Variants in ZCCHC2 observed in about 807,000 individuals in gnomAD.
ZCCHC2 encodes zinc finger CCHC domain-containing protein 2.
In ZCCHC2, 39 loss-of-function variants were observed where a neutral mutation model predicts 103.6. The ratio of observed to expected loss-of-function variants is 0.38; its 90% CI spans 0.29 to 0.49. ZCCHC2 has a LOEUF of 0.49. Among genes scored for constraint, ZCCHC2 ranks in the 20% least tolerant of loss-of-function variants. The probability of loss-of-function intolerance (pLI) is 0.96; values close to 1 mark genes in which losing one functional copy is unlikely to be tolerated. For missense variants in ZCCHC2, 1,483 were observed against 1,491.0 expected, an observed-to-expected ratio of 0.99 and a Z score of 0.09; for synonymous variants, 687 against 608.9, an observed-to-expected ratio of 1.13 and a Z score of -1.89.
intron 5 of ZCCHC2, among the ~76,000 whole-genome samples, chr18:62,554,372 A>G (rs1407976087): frequency 6.6e-6 from 1 of 152,256 alleles, no homozygotes; most frequent in Admixed American, 6.5e-5. Context: ...GAAAATGAAA[A>G]TACGGCCTGA....
intron 5 of ZCCHC2, among the ~76,000 whole-genome samples, chr18:62,553,002 G>C (rs915254451): frequency 7.9e-5 from 12 of 151,962 alleles, no homozygotes; most frequent in African/African-American, 2.4e-4. Flanking sequence ...GTGTATTTTA[G>C]GTGTTTTTAC....
In ZCCHC2 at chr18:62,543,693, C is replaced by G. The variant is rs2145499566; in HGVS notation, c.1129-1109C>G. Among the ~76,000 whole-genome samples, 3 of 152,310 alleles carry G rather than the reference C, an allele frequency of 2.0e-5. No individual in the cohort carries two copies. The Middle Eastern group carries it at 0.01, about 518-fold the overall frequency. On this transcript the variant is annotated intron_variant, in intron 3 of 13. Transcript: ENST00000269499. ...CTCCTCCGAGATCCTTCTTGACACC[C>G]CAGTTCATGTGCATCTCTCCGTTCT...
intron 1 of ZCCHC2, among the ~76,000 whole-genome samples, chr18:62,528,361 G>T (rs74775668): frequency 6.6e-6 from 1 of 152,038 alleles, no homozygotes; most frequent in African/African-American, 2.4e-5. Context: ...TCGGGAGGCC[G>T]AGGTGGGCGG....
In ZCCHC2 at chr18:62,524,341, A is replaced by G. The variant is rs559470225; in HGVS notation, c.917A>G (p.Lys306Arg). The part of the protein sequence containing the change: ...EDAEVEVEPC[K>R]FAGPRAQNNS... ...GCGGAGGTGGAGGTAGAGCCGTGCA[A>G]GTTTGCCGGCCCCAGGGCCCAGGTA... Residue 306 changes from lysine (K) to arginine (R), a missense_variant, in exon 1 of 14, where the codon AAG becomes AGG. Coordinates refer to ENST00000269499, the MANE Select transcript of ZCCHC2 (RefSeq NM_017742.6). 2 of 1,534,206 alleles carry G rather than the reference A, an allele frequency of 1.3e-6. No individual in the cohort carries two copies. The highest frequency in any genetic ancestry group is 4.1e-5 in the Admixed American group (2 of 49,086).
chr18:62,542,535 G>T lies in ZCCHC2; in HGVS notation c.1089G>T (p.Gln363His). The stretch of plus-strand genomic sequence containing the variant: ...AGAAGATAATGTTGAAAGGAGTCCA[G>T]AGAAAAAGAGCTGACAAATACTGGG... Reference protein sequence around the residue: ...HIEKIMLKGVQRKRADKYWEY... With the variant: ...HIEKIMLKGVHRKRADKYWEY... Residue 363 changes from glutamine to histidine, a missense_variant, in exon 3 of 14, where the codon CAG (glutamine) becomes CAT (histidine). Transcript: ENST00000269499. 6.4e-7 allele frequency: 1 copy of T among 1,565,936 alleles called. No homozygotes were observed.
At chr18:62,556,665 C>T (rs528521894) in intron 6 of ZCCHC2, among the ~76,000 whole-genome samples, 1 of 152,190 alleles carries the variant, frequency 6.6e-6, no homozygotes, top group East Asian at 1.9e-4. Context: ...CCTTTCCAGC[C>T]GATCAGACAG....
Position 62,523,375 on chromosome 18 carries a change from G to GGC in ZCCHC2, c.-49_-48dup. On this transcript the variant is annotated 5_prime_UTR_variant, in exon 1 of 14. Coordinates refer to ENST00000269499, the MANE Select transcript of ZCCHC2 (RefSeq NM_017742.6). ...CGCCTCGGCCCGTGCTCCACCTCGC[G>GGC]GCCCCTCCCGCCCGCCCCCGCTCGC... 2.0e-6 allele frequency: 2 copies of GGC among 1,009,530 alleles called. No individual in the cohort carries two copies. The highest frequency in any genetic ancestry group is 2.4e-6 in the Non-Finnish European group (2 of 847,962). The allele number at this position is 1,009,530 out of a possible 1,614,324, so 62.5% of individuals were successfully genotyped here.
Position 62,574,887 on chromosome 18 carries a change from C to A in ZCCHC2, c.2806C>A (p.Leu936Ile). 1.2e-6 allele frequency: 2 copies of A among 1,613,854 alleles called. No individual in the cohort carries two copies. The highest frequency in any genetic ancestry group is 1.7e-6 in the Non-Finnish European group (2 of 1,179,896). The change falls in exon 13 of 14, where the codon CTC becomes ATC. Residue 936 changes from leucine (L) to isoleucine (I), a missense_variant. Leu to Ile is a conservative substitution (Grantham distance 5). Transcript: ENST00000269499. ...GVLPSQNSSV[L>I]STAATSPQPA... ...GTTACCCAGCCAGAACTCCAGTGTG[C>A]TCAGCACAGCAGCAACTTCTCCCCA...
chr18:62,562,972 G>T, intron 8 of ZCCHC2, 37 bp from the exon 9 acceptor site: 1 of 1,584,350 alleles, frequency 6.3e-7, no homozygotes, highest in Non-Finnish European at 8.6e-7. Flanking sequence ...ATTATTGAGG[G>T]CAGATTTTCA....
intron 8 of ZCCHC2, among the ~76,000 whole-genome samples, chr18:62,562,698 G>C (rs1916176569): frequency 6.6e-6 from 1 of 152,156 alleles, no homozygotes; most frequent in Admixed American, 6.5e-5. Context: ...CATGACAGCA[G>C]TGCTCTCAAG....
intron 14 of ZCCHC2, among the ~76,000 whole-genome samples, chr18:62,583,745 G>A (rs1194318594): frequency 6.6e-6 from 1 of 152,018 alleles, no homozygotes; most frequent in East Asian, 1.9e-4. Flanking sequence ...CGAGGTGTGA[G>A]ATATGAAGAA....
intron 4 of ZCCHC2, among the ~76,000 whole-genome samples, chr18:62,549,530 T>C (rs1018770582): frequency 2.0e-5 from 3 of 152,264 alleles, no homozygotes; most frequent in African/African-American, 7.2e-5. Flanking sequence ...TCTCAGATAT[T>C]GTTAATGGTT....
intron 5 of ZCCHC2, among the ~76,000 whole-genome samples, chr18:62,554,846 C>T (rs1915816449): frequency 6.6e-6 from 1 of 152,118 alleles, no homozygotes; most frequent in Non-Finnish European, 1.5e-5. Context: ...CCATGTCTTC[C>T]TGTTGAATGT....
intron 4 of ZCCHC2, among the ~76,000 whole-genome samples, chr18:62,546,196 G>C (rs1459292300): frequency 6.6e-6 from 1 of 152,194 alleles, no homozygotes; most frequent in African/African-American, 2.4e-5. Flanking sequence ...AGATGGCATA[G>C]GTCTGTGAGC....
intron 13 of ZCCHC2, among the ~76,000 whole-genome samples, 198 bp from the exon 14 acceptor site, chr18:62,576,314 A>T (rs558076538): frequency 1.3e-5 from 2 of 152,364 alleles, no homozygotes; most frequent in Admixed American, 6.5e-5. Flanking sequence ...AGAAAGATCA[A>T]GTTTGATAGC....
At chr18:62,582,086 G>C (rs1216555254), downstream of ZCCHC2, among the ~76,000 whole-genome samples, 2 of 152,268 alleles carry the variant, frequency 1.3e-5, no homozygotes, top group East Asian at 3.8e-4. Flanking sequence ...TGTGGGTACA[G>C]TAGATAAAAT....
At chr18:62,586,515 T>A (rs1264830718) in exon 15 of ZCCHC2, 1 of 151,726 alleles carries the variant, frequency 6.6e-6, no homozygotes, top group African/African-American at 2.4e-5. Flanking sequence ...TCAAAAAAAA[T>A]AAAGCTGTAT....
chr18:62,583,795 C>T (rs899842798), intron 14 of ZCCHC2, among the ~76,000 whole-genome samples: 3 of 152,072 alleles, frequency 2.0e-5, no homozygotes, highest in Non-Finnish European at 4.4e-5. Flanking sequence ...GACATCTCTA[C>T]ATCTTCTTCT....
chr18:62,524,551 AC>A, intron 1 of ZCCHC2, 188 bp downstream of exon 1: 4 of 796,824 alleles, frequency 5.0e-6, no homozygotes, highest in Non-Finnish European at 3.5e-6. Flanking sequence ...CCACTCCCCC[AC>A]CCCACCCCAC....
Sources: allele counts gnomAD v4.1 joint callset (sites outside exome capture counted in the v4.1 genomes callset), GRCh38; gene constraint gnomAD v4.1.1; transcripts MANE v1.5; gene names NCBI Gene and HGNC (gene_info 2026-07-23, HGNC 2026-07-21).